PPL: variants seen among roughly 807,000 people sequenced by gnomAD.
The protein encoded by PPL is periplakin, also known as 190 kDa paraneoplastic pemphigus antigen.
PPL carries 198 observed loss-of-function variants against 194.4 expected under a neutral mutation model. The observed-to-expected ratio is 1.02, with a 90% CI of 0.91 to 1.15. PPL has a LOEUF of 1.15. Among genes scored for constraint, PPL ranks in the 50% most tolerant of loss-of-function variants. PPL has a pLI of 0.00. For missense variants in PPL, 2,885 were observed against 2,294.8 expected (o/e 1.26, Z -5.25); for synonymous variants, 1,220 against 972.4 (o/e 1.25, Z -4.74).
In PPL at chr16:4,897,144, G is replaced by A. The variant is rs564999671; in HGVS notation, c.972+531C>T. On this transcript the variant is annotated intron_variant, in intron 9 of 21. Coordinates refer to ENST00000345988, the MANE Select transcript of PPL (RefSeq NM_002705.5). ...GAGGTCAGGAGTTCGAGACCAGCCTGACCAACATGGCGAAACCCCATCTTT... is the reference window on the plus strand; with the variant it reads ...GAGGTCAGGAGTTCGAGACCAGCCTAACCAACATGGCGAAACCCCATCTTT... Among the ~76,000 whole-genome samples, 9 of 151,632 alleles carry A rather than the reference G, an allele frequency of 5.9e-5. No individual in the cohort carries two copies. In the South Asian group the frequency reaches 8.3e-4, roughly 14 times the overall value.
At chr16:4,911,334 G>C (rs1314175893) in intron 1 of PPL, among the ~76,000 whole-genome samples, 2 of 151,722 alleles carry the variant, frequency 1.3e-5, no homozygotes, top group African/African-American at 4.8e-5. Context: ...GCTAATTTTT[G>C]TATTTTTAGT....
chr16:4,908,715 A>AT (rs79644107), intron 2 of PPL, among the ~76,000 whole-genome samples: 31,842 of 151,824 alleles, frequency 0.21, 3,458 homozygotes, highest in East Asian at 0.25. Context: ...AATTTTTCAT[A>AT]TTTTTTGTAG....
At chr16:4,893,944 A>G in intron 12 of PPL, 1 of 417,960 alleles carries the variant, frequency 2.4e-6, no homozygotes. Context: ...TTAATAAATG[A>G]AGGCATTCCT....
chr16:4,887,472 T>G (rs1451677142), intron 20 of PPL, among the ~76,000 whole-genome samples: 1 of 152,140 alleles, frequency 6.6e-6, no homozygotes, highest in East Asian at 1.9e-4. Flanking sequence ...TTTCTGCCTC[T>G]TAGAGCACCA....
intron 1 of PPL, among the ~76,000 whole-genome samples, chr16:4,927,635 C>T (rs1215973797): frequency 2.6e-5 from 4 of 152,252 alleles, no homozygotes; most frequent in African/African-American, 9.6e-5. Flanking sequence ...TCTCTCACTA[C>T]TAGAAACTCC....
In PPL at chr16:4,899,234, G is replaced by T. The variant is rs770828715; in HGVS notation, c.757C>A (p.Arg253Ser). Reference protein sequence around the residue: ...DRNLDYPSRRRQYENFINRNL... With the variant: ...DRNLDYPSRRSQYENFINRNL... ...CCCCCAGAACCCACCTCATACTGGC[G>T]CCGGCGGCTGGGGTAGTCGAGGTTG... The change falls in exon 7 of 22, where the codon CGC (arginine) becomes AGC (serine). Residue 253 changes from arginine to serine, a missense_variant. Physicochemically the swap from Arg to Ser is moderately radical, Grantham distance 110. Transcript: ENST00000345988. 1 of 1,613,756 alleles carries T rather than the reference G, an allele frequency of 6.2e-7. No individual in the cohort carries two copies.
At chr16:4,887,959 C>G in intron 20 of PPL, 143 bp downstream of exon 20, 1 of 656,080 alleles carries the variant, frequency 1.5e-6, no homozygotes, top group East Asian at 2.6e-5. Context: ...TCTTACCAAA[C>G]CTGTTTGCAT....
chr16:4,923,405 G>C (rs1299542746), intron 1 of PPL, among the ~76,000 whole-genome samples: 1 of 152,158 alleles, frequency 6.6e-6, no homozygotes, highest in African/African-American at 2.4e-5. Flanking sequence ...CCTAAGAGTT[G>C]GGGAGATATG....
In PPL at chr16:4,910,898, G is replaced by A. The variant is rs544901430; in HGVS notation, c.114C>T (p.Ala38=). The A allele has an allele frequency of 9.3e-6, 15 of 1,613,698 alleles. No individual in the cohort carries two copies. The highest frequency in any genetic ancestry group is 5.3e-5 in the African/African-American group (4 of 74,924). The change falls in exon 2 of 22, where the codon GCC becomes GCT. Residue 38 remains alanine (A), a synonymous_variant. Coordinates refer to ENST00000345988, the MANE Select transcript of PPL (RefSeq NM_002705.5). ...CCACGATGTTCTTCTCCACCTGGTC[G>A]GCATTCTTCTGCAGCTGCTCGATCA... ...SELIEQLQKN[A]DQVEKNIVDT... is the part of the protein sequence containing the mutation.
At chr16:4,928,080 T>G (rs1425445444) in intron 1 of PPL, among the ~76,000 whole-genome samples, 1 of 152,200 alleles carries the variant, frequency 6.6e-6, no homozygotes, top group Non-Finnish European at 1.5e-5. Flanking sequence ...TCAAGCCAAC[T>G]TTGGTGCCCC....
At chr16:4,915,499 G>T (rs985933215) in intron 1 of PPL, among the ~76,000 whole-genome samples, 4 of 152,222 alleles carry the variant, frequency 2.6e-5, no homozygotes. Context: ...AAGTCCCCGG[G>T]GAGGTTGGTG....
chr16:4,917,046 C>T (rs1012899166), intron 1 of PPL, among the ~76,000 whole-genome samples: 11 of 151,994 alleles, frequency 7.2e-5, no homozygotes, highest in African/African-American at 1.7e-4. Context: ...ACAAGAGAAT[C>T]GCTTGAACCT....
intron 11 of PPL, 107 bp downstream of exon 11, chr16:4,895,154 A>G (rs977080924): frequency 2.2e-6 from 3 of 1,359,818 alleles, no homozygotes; most frequent in Non-Finnish European, 2.9e-6. Flanking sequence ...GACACCAACC[A>G]CGGAGACAGG....
rs765363274 is a variant in PPL at position 4,884,914 on chromosome 16, C to T, written c.3741G>A (p.Glu1247=). 7 of 1,614,164 alleles carry T rather than the reference C, an allele frequency of 4.3e-6. No individual in the cohort carries two copies. The highest frequency in any genetic ancestry group is 4.2e-6 in the Non-Finnish European group (5 of 1,180,034). Residue 1247 remains glutamate, a synonymous_variant, in exon 22 of 22, where the codon GAG becomes GAA. Coordinates refer to ENST00000345988, the MANE Select transcript of PPL (RefSeq NM_002705.5). This position sits in a 1 kb window ranked among gnomAD's most constrained non-coding sequence, Gnocchi z 5.7. ...KYKTDPEMEK[E]LQRLREEIVD... Reference sequence around the variant, plus strand: ...CGATCTCCTCCCTGAGCCGCTGAAGCTCCTTCTCCATCTCAGGGTCAGTCT... The same window carrying T: ...CGATCTCCTCCCTGAGCCGCTGAAGTTCCTTCTCCATCTCAGGGTCAGTCT...
In PPL at chr16:4,882,672, G is replaced by C. The variant is rs931668658; in HGVS notation, c.*712C>G. 1.3e-5 allele frequency: 2 copies of C among 152,238 alleles called. No individual in the cohort carries two copies. The highest frequency in any genetic ancestry group is 2.4e-5 in the African/African-American group (1 of 41,444). 9.4% of individuals were successfully genotyped at this position (152,238 alleles called of 1,614,324 possible). On this transcript the variant is annotated 3_prime_UTR_variant, in exon 22 of 22. Coordinates refer to ENST00000345988, the MANE Select transcript of PPL (RefSeq NM_002705.5). ...CCTAAATACCAGTGAGATAATAAGC[G>C]AGACTTGTAAAGCACTGAAACTAAG...
chr16:4,894,274 T>C (rs2088376233), intron 12 of PPL, among the ~76,000 whole-genome samples, 193 bp downstream of exon 12: 1 of 152,128 alleles, frequency 6.6e-6, no homozygotes, highest in Admixed American at 6.5e-5. Flanking sequence ...GAGCTAGACA[T>C]TCATGTTTAG....
At chr16:4,886,135 G>T in intron 21 of PPL, 88 bp from the exon 22 acceptor site, 1 of 1,539,692 alleles carries the variant, frequency 6.5e-7, no homozygotes, top group Non-Finnish European at 8.8e-7. Context: ...TGGCTGTCCT[G>T]TGGTCCCCAA....
chr16:4,909,417 G>A (rs1243804374), intron 2 of PPL, among the ~76,000 whole-genome samples: 1 of 132,642 alleles, frequency 7.5e-6, no homozygotes, highest in Non-Finnish European at 1.6e-5. Flanking sequence ...CACTCCTCTG[G>A]TCCCACCTTT....
chr16:4,889,969 G>T (rs1488727364), intron 18 of PPL, among the ~76,000 whole-genome samples: 1 of 152,252 alleles, frequency 6.6e-6, no homozygotes, highest in African/African-American at 2.4e-5. Context: ...GCCCTGTGCG[G>T]GGCACTGAGC....
Sources: gnomAD v4.1 joint callset for allele counts (sites outside exome capture counted in the v4.1 genomes callset) on GRCh38, gnomAD v4.1.1 for gene constraint, Gnocchi (gnomAD v3.1) non-coding constraint, MANE v1.5 for transcripts, NCBI Gene and HGNC (gene_info 2026-07-23, HGNC 2026-07-21) for gene names.